Variants in LIPI observed in about 807,000 individuals in gnomAD.
LIPI encodes the protein lipase member I.
Under a neutral mutation model 50.6 loss-of-function variants are expected in LIPI, and 59 were observed. That is an observed-to-expected ratio of 1.16 (90% CI 0.94 to 1.45). The LOEUF is 1.45. Among genes scored for constraint, LIPI ranks in the 40% most tolerant of loss-of-function variants. The probability of loss-of-function intolerance (pLI) is 0.00; values close to 1 mark genes in which losing one functional copy is unlikely to be tolerated. For missense variants in LIPI, 586 were observed against 536.3 expected (o/e 1.09, Z -0.92); for synonymous variants, 203 against 178.2 (o/e 1.14, Z -1.11).
At chr21:14,155,104 A>C (rs2018228667) in intron 7 of LIPI, among the ~76,000 whole-genome samples, 1 of 152,070 alleles carries the variant, frequency 6.6e-6, no homozygotes, top group Admixed American at 6.6e-5. Flanking sequence ...AAAAAGTTGT[A>C]AAAGAAAAAA....
intron 1 of LIPI, among the ~76,000 whole-genome samples, chr21:14,196,158 A>AAAAT (rs1319374414): frequency 9.3e-6 from 1 of 107,656 alleles, no homozygotes; most frequent in Non-Finnish European, 2.2e-5. Flanking sequence ...CAAATTGTAA[A>AAAAT]AAAAAAAAAC....
intron 9 of LIPI, among the ~76,000 whole-genome samples, chr21:14,115,619 G>A (rs1051044834): frequency 1.3e-5 from 2 of 152,098 alleles, no homozygotes; most frequent in Non-Finnish European, 2.9e-5. Flanking sequence ...GGAGATTTGG[G>A]ACTCTTGGCA....
At chr21:14,206,884 A>G in intron 1 of LIPI, 2 of 1,612,602 alleles carry the variant, frequency 1.2e-6, no homozygotes, top group Non-Finnish European at 1.7e-6. Context: ...TGAGCACTAT[A>G]TTTTTGGCAC....
intron 9 of LIPI, among the ~76,000 whole-genome samples, chr21:14,116,830 C>G (rs1361148192): frequency 6.6e-6 from 1 of 152,100 alleles, no homozygotes; most frequent in Non-Finnish European, 1.5e-5. Context: ...ATAGAAAAGA[C>G]CCACAAAGTG....
chr21:14,207,543 C>T (rs2020258810), intron 1 of LIPI, among the ~76,000 whole-genome samples: 1 of 152,010 alleles, frequency 6.6e-6, no homozygotes, highest in South Asian at 2.1e-4. Flanking sequence ...AAGTAGGTGT[C>T]TAACAAGTCT....
At chr21:14,116,399 C>T (rs1398538247) in intron 9 of LIPI, among the ~76,000 whole-genome samples, 1 of 152,112 alleles carries the variant, frequency 6.6e-6, no homozygotes, top group Non-Finnish European at 1.5e-5. Context: ...AGCACCCAAA[C>T]CTCCTGTAAT....
intron 2 of LIPI, 142 bp downstream of exon 2, chr21:14,188,892 C>A: frequency 1.4e-6 from 1 of 726,098 alleles, no homozygotes; most frequent in South Asian, 1.7e-5. Flanking sequence ...ATTGGTATAT[C>A]AAACCAGTAA....
chr21:14,166,405 A>G lies in LIPI; in HGVS notation c.690T>C (p.Asn230=), dbSNP rs1359593058. ...GACAGCCAGGTTGTTTATTTCCTCC[A>G]TTTGGATAAAAATCTATATGTCCCA... is the stretch of plus-strand genomic sequence containing the variant. ...EPLGHIDFYP[N]GGNKQPGCPK... The change falls in exon 5 of 10, where the codon AAT becomes AAC. Residue 230 remains asparagine, a synonymous_variant. Transcript: ENST00000681601. 6.2e-7 allele frequency: 1 copy of G among 1,610,858 alleles called. No individual in the cohort carries two copies. Among genetic ancestry groups the G allele is most frequent in the East Asian group, 2.2e-5 (1 of 44,798 alleles).
intron 1 of LIPI, among the ~76,000 whole-genome samples, chr21:14,195,585 C>T (rs2019817324): frequency 6.6e-6 from 1 of 152,046 alleles, no homozygotes; most frequent in South Asian, 2.1e-4. Flanking sequence ...ACAATCTTGG[C>T]ATAGGCAAAG....
intron 7 of LIPI, among the ~76,000 whole-genome samples, chr21:14,152,968 T>A (rs2123098941): frequency 6.6e-6 from 1 of 152,270 alleles, no homozygotes; most frequent in African/African-American, 2.4e-5. Flanking sequence ...AATACTGGCT[T>A]GTCTGAAAAA....
intron 9 of LIPI, among the ~76,000 whole-genome samples, chr21:14,128,891 G>A (rs998132358): frequency 6.6e-6 from 1 of 152,040 alleles, no homozygotes; most frequent in Non-Finnish European, 1.5e-5. Flanking sequence ...ACAACGCCCT[G>A]GGTGAGAGTA....
At chr21:14,146,772 A>ATTTTT (rs3048482) in intron 8 of LIPI, among the ~76,000 whole-genome samples, 5,701 of 73,290 alleles carry the variant, frequency 0.078, 1,338 homozygotes, top group Non-Finnish European at 0.093. Flanking sequence ...CCCAGTCTCT[A>ATTTTT]TTTTTTTTTT....
intron 1 of LIPI, among the ~76,000 whole-genome samples, chr21:14,194,904 C>T (rs1355956112): frequency 2.0e-5 from 3 of 152,160 alleles, no homozygotes; most frequent in African/African-American, 7.2e-5. Context: ...CCCAGATTTG[C>T]CTTACTGCTG....
intron 4 of LIPI, among the ~76,000 whole-genome samples, chr21:14,172,744 A>T (rs1332767994): frequency 6.6e-6 from 1 of 152,070 alleles, no homozygotes. Context: ...GAGGGATAGC[A>T]CTAGGAGATA....
Position 14,149,316 on chromosome 21 carries a change from TA to T in LIPI, c.1118+3256del, listed in dbSNP as rs2018007620. 2.6e-5 allele frequency among the ~76,000 whole-genome samples: 4 copies of T among 152,210 alleles called. 1 individual carries two copies. Among genetic ancestry groups the T allele is most frequent in the East Asian group, 1.9e-4 (1 of 5,174 alleles). On this transcript the variant is annotated intron_variant, in intron 8 of 9. Transcript: ENST00000681601. ...CTTACTCTCTATCAAGAGAATAATA[TA>T]GGGGAAACCACCCCTGTGATTCAAT...
chr21:14,200,667 A>G lies in LIPI; in HGVS notation c.46+10133T>C, dbSNP rs2020021822. 2.0e-5 allele frequency among the ~76,000 whole-genome samples: 3 copies of G among 152,080 alleles called. No homozygotes were observed. In the South Asian group the frequency reaches 6.2e-4, roughly 31 times the overall value. The stretch of plus-strand genomic sequence containing the variant: ...CTCATGGATAGAAAGAATCAGTATC[A>G]TTAAAATGACCATACTGCCCAAAGC... On this transcript the variant is annotated intron_variant, in intron 1 of 9. Transcript: ENST00000681601.
At chr21:14,166,172 G>A (rs1348748126) in intron 5 of LIPI, among the ~76,000 whole-genome samples, 190 bp downstream of exon 5, 1 of 152,090 alleles carries the variant, frequency 6.6e-6, no homozygotes, top group Admixed American at 6.6e-5. Context: ...TGACCTAATG[G>A]ATGTCTACTG....
chr21:14,119,907 G>T (rs144935427), intron 9 of LIPI, among the ~76,000 whole-genome samples: 7 of 152,130 alleles, frequency 4.6e-5, no homozygotes, highest in Non-Finnish European at 8.8e-5. Context: ...TGATAATTCA[G>T]GTGCCCCACA....
chr21:14,168,014 G>C (rs1202776749), intron 4 of LIPI, among the ~76,000 whole-genome samples: 1 of 152,176 alleles, frequency 6.6e-6, no homozygotes, highest in Non-Finnish European at 1.5e-5. Flanking sequence ...ACAGGGAAGT[G>C]CTTAAAGGAG....
Sources: allele counts gnomAD v4.1 joint callset (sites outside exome capture counted in the v4.1 genomes callset), GRCh38; gene constraint gnomAD v4.1.1; transcripts MANE v1.5; gene names NCBI Gene and HGNC (gene_info 2026-07-23, HGNC 2026-07-21).